Variants in ROBO2 observed in about 807,000 individuals in gnomAD.
The protein encoded by ROBO2 is roundabout homolog 2.
Under a neutral mutation model 160.8 loss-of-function variants are expected in ROBO2, and 53 were observed. That is an observed-to-expected ratio of 0.33 (90% CI 0.26 to 0.41). ROBO2 has a LOEUF of 0.41. Ranked by LOEUF, ROBO2 falls within the 10% of genes least tolerant of loss-of-function variation. The pLI is 1.00. For synonymous variants in ROBO2, 664 were observed against 611.7 expected, an observed-to-expected ratio of 1.09 and a Z score of -1.26; for missense variants, 1,577 against 1,722.4, an observed-to-expected ratio of 0.92 and a Z score of 1.49.
intron 2 of ROBO2, among the ~76,000 whole-genome samples, chr3:76,440,480 A>C (rs757397646): frequency 3.3e-5 from 5 of 152,076 alleles, no homozygotes; most frequent in Admixed American, 1.3e-4. Flanking sequence ...GGAGTCTAGG[A>C]AGCATGGTCA....
chr3:77,507,589 G>A (rs1284040674), intron 5 of ROBO2, among the ~76,000 whole-genome samples: 1 of 152,132 alleles, frequency 6.6e-6, no homozygotes, highest in Non-Finnish European at 1.5e-5. Flanking sequence ...AGGACTTAAA[G>A]TTGGGTTAAT....
chr3:76,222,746 A>G (rs953337344), intron 2 of ROBO2, among the ~76,000 whole-genome samples: 4 of 148,806 alleles, frequency 2.7e-5, no homozygotes, highest in African/African-American at 9.9e-5. Flanking sequence ...TGTTTGTTTC[A>G]CCATTATCCC....
intron 2 of ROBO2, among the ~76,000 whole-genome samples, chr3:77,280,281 TGA>T: frequency 6.6e-6 from 1 of 152,340 alleles, no homozygotes; most frequent in South Asian, 2.1e-4. Flanking sequence ...TATTTTCCCT[TGA>T]TGAATTCCTA....
rs184520596 is a variant in ROBO2, at chr3:76,368,590, G to A, written c.109+430988G>A. ...CAGCATGATCCTGTCAGAGCATTTA[G>A]ACATCTCACATGGCAGCAAAAAGCT... On this transcript the variant is annotated intron_variant, in intron 2 of 26. Transcript: ENST00000487694. Among the ~76,000 whole-genome samples, 28 of 152,028 alleles carry A rather than the reference G, an allele frequency of 1.8e-4. 1 individual carries two copies. Among genetic ancestry groups the A allele is most frequent in the Middle Eastern group, 6.8e-3 (2 of 294 alleles).
intron 2 of ROBO2, among the ~76,000 whole-genome samples, chr3:75,967,324 C>G (rs938065849): frequency 3.3e-5 from 5 of 151,484 alleles, no homozygotes; most frequent in Non-Finnish European, 5.9e-5. Flanking sequence ...CAGTTACTTG[C>G]AGAGTTTTCC....
chr3:77,564,428 T>C (rs2093422843), intron 11 of ROBO2: 1 of 455,760 alleles, frequency 2.2e-6, no homozygotes, highest in Non-Finnish European at 4.4e-6. Context: ...ATTCATTACC[T>C]GCTTCCTCTC....
chr3:76,186,234 A>G (rs1433446090), intron 2 of ROBO2, among the ~76,000 whole-genome samples: 2 of 151,960 alleles, frequency 1.3e-5, no homozygotes, highest in South Asian at 2.1e-4. Flanking sequence ...TGCCTGACCC[A>G]CAGATATTTA....
chr3:77,277,176 C>A (rs544320253), intron 2 of ROBO2, among the ~76,000 whole-genome samples: 9 of 101,674 alleles, frequency 8.9e-5, no homozygotes, highest in Admixed American at 6.8e-4. Context: ...TTCTTTCTTT[C>A]TTTCTTTCTT....
intron 2 of ROBO2, among the ~76,000 whole-genome samples, chr3:76,886,850 G>A (rs2148789280): frequency 6.6e-6 from 1 of 152,218 alleles, no homozygotes; most frequent in South Asian, 2.1e-4. Flanking sequence ...AGCTATATGT[G>A]GCTACTTAAA....
chr3:76,610,917 C>T lies in ROBO2; in HGVS notation c.110-487097C>T, dbSNP rs146756366. ...CCAAGAGGAATAAGGTGCGTGGACACTGGAGAGTGAATAAGGCAGATAATA... is the reference window on the plus strand; with the variant it reads ...CCAAGAGGAATAAGGTGCGTGGACATTGGAGAGTGAATAAGGCAGATAATA... On this transcript the variant is annotated intron_variant, in intron 2 of 26. Transcript: ENST00000487694. Among the ~76,000 whole-genome samples, 739 of 152,304 alleles carry T rather than the reference C, an allele frequency of 4.9e-3. 3 individuals are homozygous for T. The highest frequency in any genetic ancestry group is 7.4e-3 in the Non-Finnish European group (504 of 68,032).
chr3:77,632,309 C>CA (rs1281297243), intron 23 of ROBO2: 7 of 541,498 alleles, frequency 1.3e-5, no homozygotes, highest in Admixed American at 3.3e-5. Flanking sequence ...TTCTTCTGCA[C>CA]AAAAAATGTT....
intron 2 of ROBO2, among the ~76,000 whole-genome samples, chr3:76,930,224 C>T (rs569881020): frequency 1.3e-5 from 2 of 152,096 alleles, no homozygotes; most frequent in South Asian, 2.1e-4. Flanking sequence ...CCAGGCTGGT[C>T]TCGAACTCCT....
In ROBO2 at chr3:76,753,795, C is replaced by G. The variant is rs1000269798; in HGVS notation, c.110-344219C>G. ...ATGACTGTAACCAGTAGGGGCTGCT[C>G]TTAGCATTACAGGCAAAGTAATTTC... On this transcript the variant is annotated intron_variant, in intron 2 of 26. Transcript: ENST00000487694. Among the ~76,000 whole-genome samples, 18 of 151,930 alleles carry G rather than the reference C, an allele frequency of 1.2e-4. No homozygotes were observed. In the East Asian group the frequency reaches 3.5e-3, roughly 30 times the overall value.
chr3:76,792,702 T>G, intron 2 of ROBO2, among the ~76,000 whole-genome samples: 1 of 151,618 alleles, frequency 6.6e-6, no homozygotes, highest in East Asian at 1.9e-4. Context: ...ACGATGTTGG[T>G]TTACTTAAAG....
chr3:76,082,360 AAAAGT>A, intron 2 of ROBO2, among the ~76,000 whole-genome samples: 1 of 152,136 alleles, frequency 6.6e-6, no homozygotes. Flanking sequence ...TAAAGGCATA[AAAAGT>A]TATGCTATAT....
chr3:76,647,132 A>G (rs1422075568), intron 2 of ROBO2, among the ~76,000 whole-genome samples: 2 of 152,152 alleles, frequency 1.3e-5, no homozygotes, highest in African/African-American at 4.8e-5. Context: ...TTCTTAGGTC[A>G]GAGTAGGGGT....
At chr3:77,437,042 C>T (rs545811806) in intron 2 of ROBO2, among the ~76,000 whole-genome samples, 3 of 152,066 alleles carry the variant, frequency 2.0e-5, no homozygotes, top group South Asian at 4.1e-4. Context: ...TAAAATATGA[C>T]AAATGGAATT....
At chr3:76,446,660 C>T (rs1205504150) in intron 2 of ROBO2, among the ~76,000 whole-genome samples, 3 of 152,160 alleles carry the variant, frequency 2.0e-5, no homozygotes, top group African/African-American at 7.2e-5. Flanking sequence ...GCTGCAGTAA[C>T]CAAAGCAGCA....
intron 2 of ROBO2, among the ~76,000 whole-genome samples, chr3:76,178,592 A>G (rs994614327): frequency 6.6e-6 from 1 of 151,744 alleles, no homozygotes; most frequent in Non-Finnish European, 1.5e-5. Flanking sequence ...AATAATTATC[A>G]TAGGCAATAA....
Sources: allele counts gnomAD v4.1 joint callset (sites outside exome capture counted in the v4.1 genomes callset), GRCh38; gene constraint gnomAD v4.1.1; transcripts MANE v1.5; gene names NCBI Gene and HGNC (gene_info 2026-07-23, HGNC 2026-07-21).